Variants in TRPC5 observed in about 807,000 individuals in gnomAD.
TRPC5 encodes the protein transient receptor potential cation channel subfamily C member 5.
TRPC5 carries 9 observed loss-of-function variants against 56.5 expected under a neutral mutation model. The observed-to-expected ratio is 0.16, with a 90% CI of 0.10 to 0.28. The LOEUF (loss-of-function observed/expected upper bound fraction) is 0.28, where lower values mean the gene tolerates loss of function less well. Ranked by LOEUF, TRPC5 falls within the 10% of genes least tolerant of loss-of-function variation. The pLI is 1.00. For missense variants in TRPC5, 469 were observed against 748.9 expected, an observed-to-expected ratio of 0.63 and a Z score of 4.36; for synonymous variants, 282 against 278.5, an observed-to-expected ratio of 1.01 and a Z score of -0.13.
At chrX:111,802,780 A>G (rs1921357725) in intron 7 of TRPC5, among the ~76,000 whole-genome samples, 1 of 112,102 alleles carries the variant, frequency 8.9e-6, no homozygotes, top group Non-Finnish European at 1.9e-5. Flanking sequence ...AGAACTATCT[A>G]TATCACCTCA....
intron 7 of TRPC5, among the ~76,000 whole-genome samples, chrX:111,821,497 G>A (rs186833596): frequency 5.4e-5 from 6 of 111,424 alleles, no homozygotes; most frequent in Admixed American, 9.6e-5. Context: ...TGCTCCACTG[G>A]GTATTCTGAC....
At chrX:112,049,454 C>CAT (rs1208664340) in intron 1 of TRPC5, among the ~76,000 whole-genome samples, 3 of 103,582 alleles carry the variant, frequency 2.9e-5, no homozygotes, top group South Asian at 8.2e-4. Flanking sequence ...CACACACACA[C>CAT]ATATATATAC....
intron 1 of TRPC5, among the ~76,000 whole-genome samples, chrX:111,974,686 G>T (rs901277800): frequency 2.7e-5 from 3 of 110,407 alleles, no homozygotes; most frequent in African/African-American, 9.9e-5. Flanking sequence ...AGACAGAATG[G>T]GTTTGGAGCT....
intron 7 of TRPC5, among the ~76,000 whole-genome samples, chrX:111,805,438 C>T (rs757594978): frequency 9.0e-6 from 1 of 111,403 alleles, no homozygotes; most frequent in Admixed American, 9.6e-5. Flanking sequence ...ACCAGTTCCT[C>T]TTTGTACCTC....
chrX:111,916,688 G>A (rs1925986372), intron 2 of TRPC5, among the ~76,000 whole-genome samples: 1 of 112,393 alleles, frequency 8.9e-6, no homozygotes, highest in Admixed American at 9.4e-5. Context: ...CTACTACTCA[G>A]CTCCTGTAAA....
At chrX:111,831,517 C>T (rs1003939369) in intron 7 of TRPC5, among the ~76,000 whole-genome samples, 3 of 111,523 alleles carry the variant, frequency 2.7e-5, no homozygotes, top group African/African-American at 6.5e-5. Flanking sequence ...GGAAGAATGT[C>T]GTCATTTGCA....
At chrX:111,803,694 GTT>G (rs759493948) in intron 7 of TRPC5, among the ~76,000 whole-genome samples, 1 of 111,775 alleles carries the variant, frequency 8.9e-6, no homozygotes, top group East Asian at 2.8e-4. Flanking sequence ...TTTTGATGGG[GTT>G]TTTTGTTTTT....
In TRPC5 at chrX:111,963,899, C is replaced by A. The variant is rs759792562; in HGVS notation, c.-21-11458G>T. Among the ~76,000 whole-genome samples, 223 of 111,611 alleles carry A rather than the reference C, an allele frequency of 2.0e-3. 2 individuals are homozygous for A. The highest frequency in any genetic ancestry group is 6.8e-3 in the African/African-American group (208 of 30,719). ...AAAAACAGAGGAGAAAAACTGGAAA[C>A]TCTAAAAACCAGAGCACCTCTCCTC... On this transcript the variant is annotated intron_variant, in intron 1 of 10. Transcript: ENST00000262839.
At chrX:111,889,424 C>T (rs1431161620) in intron 3 of TRPC5, among the ~76,000 whole-genome samples, 1 of 112,204 alleles carries the variant, frequency 8.9e-6, no homozygotes, top group Non-Finnish European at 1.9e-5. Flanking sequence ...ATTCCCCTGG[C>T]TCTAGCTAAT....
intron 7 of TRPC5, among the ~76,000 whole-genome samples, chrX:111,788,838 C>G (rs895246364): frequency 1.8e-5 from 2 of 111,320 alleles, no homozygotes; most frequent in African/African-American, 6.5e-5. Context: ...AATAAAATAC[C>G]TAGGAATTCA....
In TRPC5 at chrX:111,770,414, T is replaced by C. The variant is rs1203331681; in HGVS notation, c.*5899A>G. On this transcript the variant is annotated 3_prime_UTR_variant, in exon 11 of 11. Coordinates refer to ENST00000262839, the MANE Select transcript of TRPC5 (RefSeq NM_012471.3). ...ATATGACCCAAAATTTGAAAAATGA[T>C]TTACCGGTAGTTCTGCTTTCATATA... is the stretch of plus-strand genomic sequence containing the variant. Among the ~76,000 whole-genome samples, 1 of 112,065 alleles carries C rather than the reference T, an allele frequency of 8.9e-6. No homozygotes were observed. Among genetic ancestry groups the C allele is most frequent in the Non-Finnish European group, 1.9e-5 (1 of 53,223 alleles).
intron 1 of TRPC5, among the ~76,000 whole-genome samples, chrX:111,958,113 C>A (rs1403395948): frequency 9.0e-6 from 1 of 111,692 alleles, no homozygotes; most frequent in Non-Finnish European, 1.9e-5. Flanking sequence ...GCTCTTTAAA[C>A]CTGTCAAACA....
intron 6 of TRPC5, among the ~76,000 whole-genome samples, chrX:111,840,319 G>T (rs1217443644): frequency 8.9e-6 from 1 of 112,129 alleles, no homozygotes; most frequent in Non-Finnish European, 1.9e-5. Context: ...GAACCACCAT[G>T]CCTGGCCCAT....
intron 2 of TRPC5, among the ~76,000 whole-genome samples, chrX:111,948,259 T>C (rs1293815613): frequency 1.8e-5 from 2 of 111,469 alleles, no homozygotes; most frequent in Admixed American, 9.5e-5. Context: ...CCTGTCTGAC[T>C]TGAGGGGTGT....
At chrX:111,833,519 T>C (rs1270479650) in intron 7 of TRPC5, among the ~76,000 whole-genome samples, 1 of 111,096 alleles carries the variant, frequency 9.0e-6, no homozygotes, top group Admixed American at 9.6e-5. Flanking sequence ...TATCCTAATT[T>C]TTTAAACTCT....
intron 3 of TRPC5, among the ~76,000 whole-genome samples, chrX:111,878,971 T>A (rs1347944044): frequency 3.6e-5 from 4 of 112,214 alleles, no homozygotes; most frequent in African/African-American, 1.3e-4. Flanking sequence ...AAACAGCAAG[T>A]ACTGAAACAA....
At chrX:111,985,539 A>T (rs1928190157) in intron 1 of TRPC5, among the ~76,000 whole-genome samples, 1 of 111,973 alleles carries the variant, frequency 8.9e-6, no homozygotes, top group Middle Eastern at 4.2e-3. Flanking sequence ...AACAGAATAA[A>T]TTTTTTCAGT....
chrX:112,010,216 A>G (rs1307953384), intron 1 of TRPC5, among the ~76,000 whole-genome samples: 2 of 112,093 alleles, frequency 1.8e-5, no homozygotes. Context: ...CCACAGATTC[A>G]TCTGTGAAGG....
chrX:112,076,637 C>T (rs1930841878), intron 1 of TRPC5, among the ~76,000 whole-genome samples: 1 of 111,137 alleles, frequency 9.0e-6, no homozygotes, highest in African/African-American at 3.3e-5. Context: ...ATGATGCGTC[C>T]GTGTGTGTGT....
Sources: allele counts gnomAD v4.1 joint callset (sites outside exome capture counted in the v4.1 genomes callset), GRCh38; gene constraint gnomAD v4.1.1; transcripts MANE v1.5; gene names NCBI Gene and HGNC (gene_info 2026-07-23, HGNC 2026-07-21).